The following LHCGR variants were observed in gnomAD, a reference collection of about 807,000 sequenced individuals.
LHCGR encodes lutropin-choriogonadotropic hormone receptor.
LHCGR carries 55 observed loss-of-function variants against 60.7 expected under a neutral mutation model. The ratio of observed to expected loss-of-function variants is 0.91; its 90% CI spans 0.73 to 1.13. LHCGR has a LOEUF of 1.13. Ranked by LOEUF, LHCGR falls within the 50% of genes most tolerant of loss-of-function variation. LHCGR has a pLI of 0.00. For missense variants in LHCGR, 862 were observed against 836.0 expected (o/e 1.03, Z -0.38); for synonymous variants, 337 against 316.5 (o/e 1.06, Z -0.69).
intron 9 of LHCGR, 69 bp downstream of exon 9, chr2:48,698,546 C>T (rs1320118679): frequency 1.6e-6 from 2 of 1,287,432 alleles, no homozygotes; most frequent in Non-Finnish European, 2.2e-6. Context: ...GCTGTCTACT[C>T]ATTGACTATT....
intron 1 of LHCGR, among the ~76,000 whole-genome samples, chr2:48,743,105 A>C (rs1669544633): frequency 6.6e-6 from 1 of 152,248 alleles, no homozygotes; most frequent in African/African-American, 2.4e-5. Context: ...GAAATGGATA[A>C]ATTCCTTGAC....
chr2:48,726,388 C>A (rs1479640603), intron 3 of LHCGR, among the ~76,000 whole-genome samples: 1 of 152,186 alleles, frequency 6.6e-6, no homozygotes, highest in East Asian at 1.9e-4. Flanking sequence ...TCCTGCCTCA[C>A]AGGTTAGTAG....
At chr2:48,693,752 T>C (rs1666976040) in intron 10 of LHCGR, among the ~76,000 whole-genome samples, 1 of 152,196 alleles carries the variant, frequency 6.6e-6, no homozygotes, top group Non-Finnish European at 1.5e-5. Context: ...CCAGTGTATG[T>C]GGTAGCGATA....
intron 1 of LHCGR, among the ~76,000 whole-genome samples, chr2:48,740,023 A>G (rs1235134333): frequency 6.6e-6 from 1 of 152,156 alleles, no homozygotes; most frequent in Non-Finnish European, 1.5e-5. Context: ...GCATCACCTC[A>G]CTCGGGAAGC....
intron 1 of LHCGR, among the ~76,000 whole-genome samples, chr2:48,743,037 A>C (rs1669540329): frequency 6.6e-6 from 1 of 152,132 alleles, no homozygotes. Context: ...CAGAAATACA[A>C]ACTACCATCA....
chr2:48,723,511 T>C lies in LHCGR; in HGVS notation c.481A>G (p.Ile161Val). The C allele has an allele frequency of 6.2e-7, 1 of 1,613,032 alleles. No homozygotes were observed. The highest frequency in any genetic ancestry group is 8.5e-7 in the Non-Finnish European group (1 of 1,179,014). ...FILEICDNLH[I>V]TTIPGNAFQG... is the part of the protein sequence containing the mutation. ...AAAGCATTTCCTGGTATGGTGGTTA[T>C]GTGTAAGTTATCACAAATTTCCCTT... The change falls in exon 6 of 11, where the codon ATA (isoleucine) becomes GTA (valine). Residue 161 changes from isoleucine to valine, a missense_variant. Physicochemically the swap from Ile to Val is conservative, Grantham distance 29. Transcript: ENST00000294954.
intron 1 of LHCGR, among the ~76,000 whole-genome samples, chr2:48,740,309 G>T (rs1357866681): frequency 6.6e-6 from 1 of 152,228 alleles, no homozygotes; most frequent in African/African-American, 2.4e-5. Context: ...AAACAAAGCA[G>T]CCAGGAAGCT....
At chr2:48,730,668 G>C (rs1668948162) in intron 2 of LHCGR, among the ~76,000 whole-genome samples, 5 of 152,146 alleles carry the variant, frequency 3.3e-5, no homozygotes, top group African/African-American at 1.2e-4. Context: ...TGGGAACTTT[G>C]GTCCTAGAAG....
At chr2:48,703,113 G>A (rs2104403996) in intron 8 of LHCGR, among the ~76,000 whole-genome samples, 1 of 152,176 alleles carries the variant, frequency 6.6e-6, no homozygotes, top group East Asian at 1.9e-4. Context: ...ATTTTTTGAT[G>A]GGTTTGTTTG....
intron 6 of LHCGR, among the ~76,000 whole-genome samples, chr2:48,718,739 T>C (rs1668369457): frequency 1.3e-5 from 2 of 152,202 alleles, no homozygotes; most frequent in Admixed American, 6.5e-5. Flanking sequence ...TCCTTACGTA[T>C]GAAGACACTT....
intron 1 of LHCGR, among the ~76,000 whole-genome samples, chr2:48,731,622 T>C (rs966175895): frequency 1.3e-5 from 2 of 152,228 alleles, no homozygotes; most frequent in African/African-American, 4.8e-5. Context: ...TCAGTTTCTT[T>C]GTCTGTAAAA....
intron 10 of LHCGR, among the ~76,000 whole-genome samples, chr2:48,693,837 T>A (rs1012215854): frequency 6.6e-6 from 1 of 152,228 alleles, no homozygotes; most frequent in Non-Finnish European, 1.5e-5. Context: ...AAGTGGCTAC[T>A]TTTAAGCTAC....
intron 4 of LHCGR, among the ~76,000 whole-genome samples, chr2:48,724,431 A>G (rs1668631845): frequency 6.6e-6 from 1 of 152,188 alleles, no homozygotes. Context: ...GACAACTAAT[A>G]TGAACTGTCT....
intron 7 of LHCGR, among the ~76,000 whole-genome samples, chr2:48,711,535 G>A (rs1173344594): frequency 6.6e-6 from 1 of 152,116 alleles, no homozygotes; most frequent in Non-Finnish European, 1.5e-5. Flanking sequence ...TTGACTAATT[G>A]AACTTTTCAT....
At chr2:48,710,207 A>G (rs375432364) in intron 7 of LHCGR, among the ~76,000 whole-genome samples, 1 of 152,200 alleles carries the variant, frequency 6.6e-6, no homozygotes, top group African/African-American at 2.4e-5. Context: ...TCAATCTCAC[A>G]TCGTCCCATC....
At chr2:48,715,258 A>C (rs1483072534) in intron 6 of LHCGR, among the ~76,000 whole-genome samples, 2 of 152,188 alleles carry the variant, frequency 1.3e-5, no homozygotes, top group African/African-American at 4.8e-5. Context: ...TGTATCTAGA[A>C]CAGTGCGTGG....
chr2:48,708,690 G>T (rs1173294223), intron 8 of LHCGR: 10 of 577,440 alleles, frequency 1.7e-5, no homozygotes, highest in Non-Finnish European at 3.1e-5. Context: ...CCCTCAGAGG[G>T]AGCCAACCCC....
chr2:48,731,704 C>T (rs1276320561), intron 1 of LHCGR, among the ~76,000 whole-genome samples: 1 of 152,118 alleles, frequency 6.6e-6, no homozygotes, highest in African/African-American at 2.4e-5. Context: ...AAGAACAGGG[C>T]TTGGCACCAA....
intron 1 of LHCGR, among the ~76,000 whole-genome samples, chr2:48,734,236 CTG>C (rs1266040176): frequency 1.3e-5 from 2 of 152,118 alleles, no homozygotes; most frequent in Non-Finnish European, 2.9e-5. Context: ...AATCATGGAA[CTG>C]AGAGAAACAA....
Sources: allele counts gnomAD v4.1 joint callset (sites outside exome capture counted in the v4.1 genomes callset), GRCh38; gene constraint gnomAD v4.1.1; transcripts MANE v1.5; gene names NCBI Gene and HGNC (gene_info 2026-07-23, HGNC 2026-07-21).